The following MST1R variants were observed in gnomAD, a reference collection of about 807,000 sequenced individuals.
The protein encoded by MST1R is macrophage-stimulating protein receptor.
Under a neutral mutation model 117.8 loss-of-function variants are expected in MST1R, and 99 were observed. The ratio of observed to expected loss-of-function variants is 0.84; its 90% CI spans 0.71 to 0.99. MST1R has a LOEUF of 0.99. MST1R is among the 50% of genes least tolerant of loss of function. The pLI, the probability that MST1R is intolerant of heterozygous loss-of-function variation, is 0.00. For synonymous variants in MST1R, 734 were observed against 765.3 expected (o/e 0.96, Z 0.68); for missense variants, 1,683 against 1,840.2 (o/e 0.91, Z 1.56).
At chr3:49,893,124 C>G (rs541266222) in intron 14 of MST1R, among the ~76,000 whole-genome samples, 1 of 149,276 alleles carries the variant, frequency 6.7e-6, no homozygotes, top group Non-Finnish European at 1.5e-5. Context: ...ACTAAAAATA[C>G]AAAAATTAGA....
In MST1R at chr3:49,891,015, C is replaced by T. The variant is rs574115886; in HGVS notation, c.3644+182G>A. Among the ~76,000 whole-genome samples, 7 of 152,290 alleles carry T rather than the reference C, an allele frequency of 4.6e-5. No homozygotes were observed. In the South Asian group the frequency reaches 1.2e-3, roughly 27 times the overall value. Reference sequence around the variant, plus strand: ...TGCTGGGATTACAGACGTGAGCCACCGCGCCTGGCCAAATTTCAAAGCCAC... The same window carrying T: ...TGCTGGGATTACAGACGTGAGCCACTGCGCCTGGCCAAATTTCAAAGCCAC... On this transcript the variant is annotated intron_variant, in intron 17 of 19. Coordinates refer to ENST00000296474, the MANE Select transcript of MST1R (RefSeq NM_002447.4).
In MST1R at chr3:49,903,233, T is replaced by TCCAGCA. The variant is rs770123757; in HGVS notation, c.371_376dup (p.Val124_Leu125dup). ...ACTGACCAGCGCAGGCAGCGCGGGA[T>TCCAGCA]CCAGCACCAGCACCTTTGTGTCTGT... is the stretch of plus-strand genomic sequence containing the variant. On this transcript the variant is annotated inframe_insertion, in exon 1 of 20. Transcript: ENST00000296474. 6.2e-6 allele frequency: 10 copies of TCCAGCA among 1,607,908 alleles called. No individual in the cohort carries two copies. The East Asian group carries it at 2.2e-4, about 36-fold the overall frequency.
Position 49,903,487 on chromosome 3 carries a change from G to A in MST1R, c.123C>T (p.Asp41=), listed in dbSNP as rs1381716168. The A allele has an allele frequency of 6.2e-7, 1 of 1,612,130 alleles. No individual in the cohort carries two copies. The highest frequency in any genetic ancestry group is 1.3e-5 in the African/African-American group (1 of 74,946). Reference sequence around the variant, plus strand: ...AGAAGCTGGGCACCACGTACTTCACGTCAAAGTCGCGAGAGGCCGCGTAGG... The same window carrying A: ...AGAAGCTGGGCACCACGTACTTCACATCAAAGTCGCGAGAGGCCGCGTAGG... ...RTPYAASRDF[D]VKYVVPSFSA... The change falls in exon 1 of 20, where the codon GAC becomes GAT. Residue 41 remains aspartate (D), a synonymous_variant. Transcript: ENST00000296474.
chr3:49,899,394 C>A, intron 1 of MST1R, 131 bp from the exon 2 acceptor site: 1 of 962,114 alleles, frequency 1.0e-6, no homozygotes, highest in Non-Finnish European at 1.5e-6. Context: ...AGGCCCTGGG[C>A]CTGCCGGTTA....
chr3:49,887,509 A>C lies in MST1R; in HGVS notation c.4001T>G (p.Phe1334Cys), dbSNP rs754615957. ...CTCCACCTCCCCCACTAGTACTCTG[A>C]AGGTGGGTCGCACTGCTGGGTCTGC... ...WEADPAVRPT[F>C]RVLVGEVEQI... The change falls in exon 20 of 20, where the codon TTC becomes TGC. Residue 1334 changes from phenylalanine to cysteine, a missense_variant. By Grantham distance (205) the Phe-to-Cys change is radical (BLOSUM62 -2). Coordinates refer to ENST00000296474, the MANE Select transcript of MST1R (RefSeq NM_002447.4). 8 of 1,614,158 alleles carry C rather than the reference A, an allele frequency of 5.0e-6. No homozygotes were observed. The Admixed American group carries it at 1.3e-4, about 27-fold the overall frequency.
rs878910700 is a variant in MST1R at position 49,891,401 on chromosome 3, G to A, written c.3532C>T (p.Arg1178Trp). 21 of 1,613,922 alleles carry A rather than the reference G, an allele frequency of 1.3e-5. No homozygotes were observed. The highest frequency in any genetic ancestry group is 6.7e-5 in the Admixed American group (4 of 60,028). ...DLLQFIRSPQ[R>W]NPTVKDLISF... ...CCCAGAGCCAGATGAACACTGACCCGCTGAGGTGAGCGGATGAACTGGAGC... is the reference window on the plus strand; with the variant it reads ...CCCAGAGCCAGATGAACACTGACCCACTGAGGTGAGCGGATGAACTGGAGC... The change falls in exon 16 of 20, where the codon CGG becomes TGG. Residue 1178 changes from arginine to tryptophan, a missense_variant and splice_region_variant. Arg to Trp is a moderately radical substitution (Grantham distance 101, BLOSUM62 -3). Coordinates refer to ENST00000296474, the MANE Select transcript of MST1R (RefSeq NM_002447.4).
chr3:49,898,873 C>T lies in MST1R; in HGVS notation c.1542G>A (p.Gly514=). 2.5e-6 allele frequency: 4 copies of T among 1,614,066 alleles called. No homozygotes were observed. Among genetic ancestry groups the T allele is most frequent in the Non-Finnish European group, 2.5e-6 (3 of 1,180,036 alleles). ...CTGCCCCTGCCCACCTCACCTGGTC[C>T]CCAGAGGCAAAGAGTAGGTGGTCCC... is the stretch of plus-strand genomic sequence containing the variant. ...RLGDHLLFAS[G]DQVFQVPIQG... The change falls in exon 3 of 20, where the codon GGG becomes GGA. Residue 514 remains glycine (G), a synonymous_variant. Coordinates refer to ENST00000296474, the MANE Select transcript of MST1R (RefSeq NM_002447.4).
In MST1R at chr3:49,896,741, T is replaced by C. The variant is rs149428633; in HGVS notation, c.2333A>G (p.Asn778Ser). The change falls in exon 8 of 20, where the codon AAC becomes AGC. Residue 778 changes from asparagine to serine, a missense_variant. Physicochemically the swap from Asn to Ser is conservative, Grantham distance 46. Coordinates refer to ENST00000296474, the MANE Select transcript of MST1R (RefSeq NM_002447.4). ...AGGCAGTGCTTACATGTAGCCACAG[T>C]TGGGGCTGATGCTTAGCACGACAGG... is the stretch of plus-strand genomic sequence containing the variant. ...EDPVVLSISP[N>S]CGYINSHITI... 5.6e-6 allele frequency: 9 copies of C among 1,593,090 alleles called. No individual in the cohort carries two copies. The Admixed American group carries it at 8.8e-5, about 16-fold the overall frequency.
rs747637656 is a variant in MST1R at position 49,903,611 on chromosome 3, G to C, written c.-2C>G. 2.6e-6 allele frequency: 4 copies of C among 1,555,650 alleles called. No homozygotes were observed. The East Asian group carries it at 6.7e-5, about 26-fold the overall frequency. ...AGGCAGCGGCGGGAGGAGCTCCATC[G>C]AGGCGAGCTGGGACCCTAGAGGATC... is the stretch of plus-strand genomic sequence containing the variant. On this transcript the variant is annotated 5_prime_UTR_variant, in exon 1 of 20. Coordinates refer to ENST00000296474, the MANE Select transcript of MST1R (RefSeq NM_002447.4).
intron 19 of MST1R, among the ~76,000 whole-genome samples, chr3:49,889,499 C>T (rs1162389323): frequency 2.6e-5 from 4 of 152,158 alleles, no homozygotes; most frequent in Non-Finnish European, 5.9e-5. Context: ...ATGCAGCTGC[C>T]GCCATCCCTC....
In MST1R at chr3:49,902,701, A is replaced by G. The variant is rs2108504472; in HGVS notation, c.909T>C (p.Ala303=). ...YRELVLDCRF[A]PKRRRRGAPE... is the part of the protein sequence containing the mutation. ...GGGCCCCCCGGCGCCTGCGTTTTGG[A>G]GCAAATCTGCAGTCGAGGACCAGCT... The change falls in exon 1 of 20, where the codon GCT becomes GCC. Residue 303 remains alanine (A), a synonymous_variant. Coordinates refer to ENST00000296474, the MANE Select transcript of MST1R (RefSeq NM_002447.4). The G allele has an allele frequency of 6.2e-7, 1 of 1,613,474 alleles. No homozygotes were observed. The highest frequency in any genetic ancestry group is 1.7e-5 in the Admixed American group (1 of 60,030).
intron 18 of MST1R, 111 bp downstream of exon 18, chr3:49,890,374 G>A (rs1275430098): frequency 5.0e-6 from 6 of 1,193,584 alleles, no homozygotes; most frequent in African/African-American, 1.5e-5. Flanking sequence ...GGCTGTGGGG[G>A]TCATCTACCC....
In MST1R at chr3:49,902,755, GGC is replaced by G. The variant is rs777143964; in HGVS notation, c.853_854del (p.Ala285HisfsTer2). On this transcript the variant is annotated frameshift_variant, in exon 1 of 20. Coordinates refer to ENST00000296474, the MANE Select transcript of MST1R (RefSeq NM_002447.4). LOFTEE classifies it high-confidence loss of function. ...GATAGTCACCCAACTCTGGCTCAGT[GGC>G]GCTAAGCCGTGCCAGGCGTGTGTGC... The part of the protein sequence containing the change: ...ALHTRLARLS[A>X]TEPELGDYRE... 1 of 1,613,936 alleles carries G rather than the reference GGC, an allele frequency of 6.2e-7. No homozygotes were observed. Among genetic ancestry groups the G allele is most frequent in the Non-Finnish European group, 8.5e-7 (1 of 1,180,052 alleles).
At position 49,899,192 on chromosome 3, in the gene MST1R, T is replaced by C. The variant is rs143634317; in HGVS notation, c.1302A>G (p.Ser434=). 1 of 1,614,014 alleles carries C rather than the reference T, an allele frequency of 6.2e-7. No individual in the cohort carries two copies. The highest frequency in any genetic ancestry group is 8.5e-7 in the Non-Finnish European group (1 of 1,180,026). The change falls in exon 2 of 20, where the codon TCA becomes TCG. Residue 434 remains serine (S), a synonymous_variant. Coordinates refer to ENST00000296474, the MANE Select transcript of MST1R (RefSeq NM_002447.4). ...ACAGCCCATTGAATAGGTCCACACG[T>C]GAGAAGCTGCTACTGACCAGCAGAG... The part of the protein sequence containing the change: ...HFPLLVSSSF[S]RVDLFNGLLG...
chr3:49,903,056 C>T lies in MST1R; in HGVS notation c.554G>A (p.Arg185His), dbSNP rs1483138477. 9.3e-6 allele frequency: 15 copies of T among 1,610,560 alleles called. 1 individual carries two copies. The East Asian group carries it at 2.0e-4, about 22-fold the overall frequency. ...PDCVASPLGTRVTVVEQGQAS... is the reference protein window; with the variant it reads ...PDCVASPLGTHVTVVEQGQAS... ...CTGGCCTTGCTCAACCACAGTTACA[C>T]GGGTGCCCAATGGGCTGGCCACACA... The change falls in exon 1 of 20, where the codon CGT (arginine) becomes CAT (histidine). Residue 185 changes from arginine to histidine, a missense_variant. By Grantham distance (29) the Arg-to-His change is conservative (BLOSUM62 0). Coordinates refer to ENST00000296474, the MANE Select transcript of MST1R (RefSeq NM_002447.4).
At position 49,887,370 on chromosome 3, in the gene MST1R, G is replaced by A. The variant is rs1320357383; in HGVS notation, c.4140C>T (p.Phe1380=). The stretch of plus-strand genomic sequence containing the variant: ...GGCGTACATTCCCTGGCATGGGTGA[G>A]AACTGCGGCTGTTCTGGACGCACAT... ...EMNVRPEQPQ[F]SPMPGNVRRP... is the part of the protein sequence containing the mutation. The change falls in exon 20 of 20, where the codon TTC becomes TTT. Residue 1380 remains phenylalanine, a synonymous_variant. Transcript: ENST00000296474. The A allele has an allele frequency of 3.7e-6, 6 of 1,614,150 alleles. No individual in the cohort carries two copies. Among genetic ancestry groups the A allele is most frequent in the South Asian group, 1.1e-5 (1 of 91,090 alleles).
chr3:49,887,511 G>A lies in MST1R; in HGVS notation c.3999C>T (p.Thr1333=). 1 of 1,614,194 alleles carries A rather than the reference G, an allele frequency of 6.2e-7. No homozygotes were observed. The highest frequency in any genetic ancestry group is 8.5e-7 in the Non-Finnish European group (1 of 1,180,012). Residue 1333 remains threonine (T), a synonymous_variant, in exon 20 of 20, where the codon ACC becomes ACT. Transcript: ENST00000296474. The part of the protein sequence containing the change: ...CWEADPAVRP[T]FRVLVGEVEQ... ...CCACCTCCCCCACTAGTACTCTGAA[G>A]GTGGGTCGCACTGCTGGGTCTGCCT...
chr3:49,900,436 C>T (rs1283888888), intron 1 of MST1R, among the ~76,000 whole-genome samples: 2 of 152,170 alleles, frequency 1.3e-5, no homozygotes, highest in Non-Finnish European at 2.9e-5. Context: ...AGGACTCTCT[C>T]TCACCAGCCC....
At position 49,900,212 on chromosome 3, in the gene MST1R, C is replaced by T. The variant is rs148669258; in HGVS notation, c.1231-949G>A. 1.6e-4 allele frequency among the ~76,000 whole-genome samples: 25 copies of T among 152,284 alleles called. No individual in the cohort carries two copies. In the East Asian group the frequency reaches 3.3e-3, roughly 20 times the overall value. ...CAGGGTACAAAAGGGATAAACCAAACCCCTACAGCCTGGGTGCCAGAACTA... is the reference window on the plus strand; with the variant it reads ...CAGGGTACAAAAGGGATAAACCAAATCCCTACAGCCTGGGTGCCAGAACTA... On this transcript the variant is annotated intron_variant, in intron 1 of 19. Transcript: ENST00000296474.
Sources: gnomAD v4.1 joint callset for allele counts (sites outside exome capture counted in the v4.1 genomes callset) on GRCh38, gnomAD v4.1.1 for gene constraint, MANE v1.5 for transcripts, NCBI Gene and HGNC (gene_info 2026-07-23, HGNC 2026-07-21) for gene names.